PCDH9: variants seen among roughly 807,000 people sequenced by gnomAD.
The protein encoded by PCDH9 is protocadherin 9.
A neutral mutation model predicts 70.6 loss-of-function variants in PCDH9; 24 were observed. The observed-to-expected ratio is 0.34, with a 90% CI of 0.25 to 0.48. The LOEUF is 0.48. PCDH9 is among the 20% of genes least tolerant of loss of function. The pLI is 0.99. For missense variants in PCDH9, 1,281 were observed against 1,503.6 expected (o/e 0.85, Z 2.45); for synonymous variants, 562 against 558.5 (o/e 1.01, Z -0.09).
intron 4 of PCDH9, among the ~76,000 whole-genome samples, chr13:66,429,247 C>A (rs187396435): frequency 6.6e-6 from 1 of 151,350 alleles, no homozygotes; most frequent in Non-Finnish European, 1.5e-5. Flanking sequence ...CTGAGAAAAG[C>A]AAGAGAGATT....
Position 67,210,665 on chromosome 13 carries a change from G to A in PCDH9, c.3036+14740C>T, listed in dbSNP as rs546473271. The A allele has an allele frequency of 3.9e-5, 6 of 151,992 alleles. No individual in the cohort carries two copies. The South Asian group carries it at 1.2e-3, about 32-fold the overall frequency. The allele number at this position is 151,992 out of a possible 1,614,324, so 9.4% of individuals were successfully genotyped here. A position where few individuals can be genotyped will look rare whatever the true frequency, so the allele number is the denominator to read the frequency against. On this transcript the variant is annotated intron_variant, in intron 2 of 4. Coordinates refer to ENST00000377865, the MANE Select transcript of PCDH9 (RefSeq NM_203487.3). The stretch of plus-strand genomic sequence containing the variant: ...GAGTCCAATTATCTAATTTTCAGAG[G>A]AGAAAACTGAATTCTCAAGATGCTA...
At position 66,341,683 on chromosome 13, in the gene PCDH9, G is replaced by A. The variant is rs546842548; in HGVS notation, c.3341-36655C>T. Among the ~76,000 whole-genome samples, 9 of 152,232 alleles carry A rather than the reference G, an allele frequency of 5.9e-5. No individual in the cohort carries two copies. In the South Asian group the frequency reaches 1.0e-3, roughly 18 times the overall value. On this transcript the variant is annotated intron_variant, in intron 4 of 4. Transcript: ENST00000377865. ...GACAAAACAAACGTCTTATATCTAG[G>A]TGTATTCTGGGGTATAAGGTGTACA... is the stretch of plus-strand genomic sequence containing the variant.
At chr13:67,072,470 T>C (rs1025429608) in intron 2 of PCDH9, among the ~76,000 whole-genome samples, 1 of 152,164 alleles carries the variant, frequency 6.6e-6, no homozygotes, top group Non-Finnish European at 1.5e-5. Context: ...CCTTGGGCCT[T>C]TGGGTCTTTA....
chr13:67,189,369 T>C (rs1362568837), intron 2 of PCDH9, among the ~76,000 whole-genome samples: 1 of 152,096 alleles, frequency 6.6e-6, no homozygotes, highest in Non-Finnish European at 1.5e-5. Flanking sequence ...GCACCAATTA[T>C]ATGATAGTCA....
At chr13:66,848,231 T>C (rs1594143512) in intron 3 of PCDH9, among the ~76,000 whole-genome samples, 2 of 152,272 alleles carry the variant, frequency 1.3e-5, no homozygotes, top group South Asian at 4.1e-4. Flanking sequence ...TTAATAAAAA[T>C]AAGCTATATA....
intron 3 of PCDH9, among the ~76,000 whole-genome samples, chr13:66,844,584 CA>C (rs5804301): frequency 0.013 from 1,573 of 117,430 alleles, 17 homozygotes; most frequent in African/African-American, 0.034. Flanking sequence ...GACTCTGTCT[CA>C]AAAAAAAAAA....
chr13:66,587,948 G>A (rs2076985120), intron 4 of PCDH9, among the ~76,000 whole-genome samples: 1 of 151,984 alleles, frequency 6.6e-6, no homozygotes, highest in Non-Finnish European at 1.5e-5. Context: ...TCATGCTTTT[G>A]GTTGAATGTC....
chr13:66,806,098 G>A (rs1385331678), intron 3 of PCDH9, among the ~76,000 whole-genome samples: 1 of 152,016 alleles, frequency 6.6e-6, no homozygotes, highest in Non-Finnish European at 1.5e-5. Flanking sequence ...GTATATATGT[G>A]TTTGTGTGAA....
intron 2 of PCDH9, among the ~76,000 whole-genome samples, chr13:67,026,491 T>G (rs1056002757): frequency 6.6e-6 from 1 of 152,106 alleles, no homozygotes; most frequent in Non-Finnish European, 1.5e-5. Flanking sequence ...GCATTCCCTT[T>G]GAAAACTGGC....
intron 4 of PCDH9, among the ~76,000 whole-genome samples, chr13:66,328,771 A>T (rs1170758221): frequency 6.6e-6 from 1 of 152,104 alleles, no homozygotes; most frequent in Non-Finnish European, 1.5e-5. Flanking sequence ...CCAGTCAAGA[A>T]GTGATTTTTT....
At position 66,779,841 on chromosome 13, in the gene PCDH9, C is replaced by CTATATATATA. The variant is rs1461666323; in HGVS notation, c.3138+123662_3138+123663insTATATATATA. On this transcript the variant is annotated intron_variant, in intron 3 of 4. Transcript: ENST00000377865. Reference sequence around the variant, plus strand: ...TCTCTCTCTCTCTCTCTCTCTCTCTCTCTCTCTCTATATATATATATATAT... The same window carrying CTATATATATA: ...TCTCTCTCTCTCTCTCTCTCTCTCTCTATATATATATCTCTCTCTATATATATATATATAT... 4.9e-3 allele frequency among the ~76,000 whole-genome samples: 127 copies of CTATATATATA among 26,144 alleles called. No homozygotes were observed. The South Asian group carries it at 0.052, about 11-fold the overall frequency. The allele number at this position is 26,144 out of a possible 152,430, so 17.2% of individuals were successfully genotyped here.
At chr13:66,665,316 C>G (rs755372955) in intron 3 of PCDH9, among the ~76,000 whole-genome samples, 2 of 152,090 alleles carry the variant, frequency 1.3e-5, no homozygotes, top group Non-Finnish European at 2.9e-5. Context: ...CCAGTCTGGT[C>G]TCGAACTCCT....
At chr13:66,834,748 G>A (rs1236848241) in intron 3 of PCDH9, among the ~76,000 whole-genome samples, 2 of 152,152 alleles carry the variant, frequency 1.3e-5, no homozygotes, top group African/African-American at 4.8e-5. Context: ...GAATCAAAAT[G>A]CATAATGTTT....
At chr13:67,169,668 A>G (rs1254261800) in intron 2 of PCDH9, among the ~76,000 whole-genome samples, 2 of 152,172 alleles carry the variant, frequency 1.3e-5, no homozygotes, top group Non-Finnish European at 2.9e-5. Flanking sequence ...AATCTGAACA[A>G]CCCTAGGCTA....
intron 3 of PCDH9, among the ~76,000 whole-genome samples, chr13:66,631,794 A>C (rs184373591): frequency 6.6e-6 from 1 of 152,326 alleles, no homozygotes; most frequent in Admixed American, 6.5e-5. Flanking sequence ...AAAATGCAAT[A>C]TTTCATTTCT....
At chr13:67,216,671 T>C (rs2089608765) in intron 2 of PCDH9, 1 of 134,676 alleles carries the variant, frequency 7.4e-6, no homozygotes, top group South Asian at 2.4e-4. Context: ...ACTTTGTGGT[T>C]GTCTTAAGCA....
At chr13:66,508,548 G>T (rs1417875935) in intron 4 of PCDH9, among the ~76,000 whole-genome samples, 1 of 152,044 alleles carries the variant, frequency 6.6e-6, no homozygotes, top group African/African-American at 2.4e-5. Flanking sequence ...TTTGAAACAC[G>T]GGTGATGTCG....
rs569318366 is a variant in PCDH9, at chr13:66,456,889, C to A, written c.3341-151861G>T. 9.2e-5 allele frequency among the ~76,000 whole-genome samples: 14 copies of A among 152,024 alleles called. No homozygotes were observed. In the East Asian group the frequency reaches 2.7e-3, roughly 29 times the overall value. On this transcript the variant is annotated intron_variant, in intron 4 of 4. Coordinates refer to ENST00000377865, the MANE Select transcript of PCDH9 (RefSeq NM_203487.3). ...GTGTACTGCCATGGGCTTTGTTAAA[C>A]CTTACCTTTTTGCTGTATTTTATTG...
chr13:67,217,963 A>T (rs974452420), intron 2 of PCDH9: 1 of 152,082 alleles, frequency 6.6e-6, no homozygotes, highest in African/African-American at 2.4e-5. Context: ...TCTTTCAGTC[A>T]CATCCAGTGT....
Sources: gnomAD v4.1 joint callset for allele counts (sites outside exome capture counted in the v4.1 genomes callset) on GRCh38, gnomAD v4.1.1 for gene constraint, MANE v1.5 for transcripts, NCBI Gene and HGNC (gene_info 2026-07-23, HGNC 2026-07-21) for gene names.